EXOC2: variants seen among roughly 807,000 people sequenced by gnomAD.
The protein encoded by EXOC2 is SEC5-like 1.
EXOC2 carries 70 observed loss-of-function variants against 131.8 expected under a neutral mutation model. That is an observed-to-expected ratio of 0.53 (90% CI 0.44 to 0.65). The LOEUF is 0.65. Ranked by LOEUF, EXOC2 falls within the 30% of genes least tolerant of loss-of-function variation. EXOC2 has a pLI of 0.00. For missense variants in EXOC2, 923 were observed against 1,108.6 expected (o/e 0.83, Z 2.38); for synonymous variants, 411 against 398.4 (o/e 1.03, Z -0.38).
At chr6:559,883 G>A (rs146685039) in intron 17 of EXOC2, among the ~76,000 whole-genome samples, 3 of 152,290 alleles carry the variant, frequency 2.0e-5, no homozygotes, top group Non-Finnish European at 4.4e-5. Flanking sequence ...ATAGGACCCT[G>A]ACAGCAGACT....
chr6:598,440 T>G (rs1414482972), intron 9 of EXOC2, among the ~76,000 whole-genome samples: 1 of 152,252 alleles, frequency 6.6e-6, no homozygotes, highest in Non-Finnish European at 1.5e-5. Context: ...TTTCTCCTGG[T>G]GGACTGTAAC....
At chr6:554,012 TTA>T (rs1757286827) in intron 20 of EXOC2, 92 bp from the exon 21 acceptor site, 6 of 983,244 alleles carry the variant, frequency 6.1e-6, no homozygotes, top group Non-Finnish European at 9.6e-6. Context: ...GTGCAATGAA[TTA>T]TATGGAAAAC....
intron 1 of EXOC2, among the ~76,000 whole-genome samples, chr6:675,380 T>C (rs1000211723): frequency 1.3e-5 from 2 of 152,236 alleles, no homozygotes; most frequent in Admixed American, 1.3e-4. Flanking sequence ...TTTTTGCTTT[T>C]CTTTTTCATT....
chr6:515,374 C>CA (rs1765089531), intron 23 of EXOC2, among the ~76,000 whole-genome samples: 1 of 152,248 alleles, frequency 6.6e-6, no homozygotes, highest in Non-Finnish European at 1.5e-5. Context: ...GTCCTGTCCA[C>CA]ACAGTCTTCT....
At chr6:540,180 C>T (rs956901201) in intron 22 of EXOC2, among the ~76,000 whole-genome samples, 1 of 152,164 alleles carries the variant, frequency 6.6e-6, no homozygotes, top group Non-Finnish European at 1.5e-5. Context: ...GTCTTGAACT[C>T]CTCACCTTAG....
intron 1 of EXOC2, among the ~76,000 whole-genome samples, chr6:680,235 T>C (rs1217346738): frequency 6.6e-6 from 1 of 152,206 alleles, no homozygotes; most frequent in Non-Finnish European, 1.5e-5. Context: ...CCTCTACAAA[T>C]GACATTGCAC....
intron 10 of EXOC2, among the ~76,000 whole-genome samples, chr6:597,280 G>C (rs569285642): frequency 6.6e-6 from 1 of 151,826 alleles, no homozygotes; most frequent in Non-Finnish European, 1.5e-5. Flanking sequence ...GGGTTCAAGC[G>C]ATTCTCCTGC....
intron 12 of EXOC2, among the ~76,000 whole-genome samples, 172 bp downstream of exon 12, chr6:576,585 A>T (rs892926711): frequency 2.0e-5 from 3 of 152,238 alleles, no homozygotes; most frequent in Admixed American, 2.0e-4. Context: ...AATGTAATAT[A>T]TATTTTAATT....
At chr6:513,460 C>T (rs978496845) in intron 23 of EXOC2, among the ~76,000 whole-genome samples, 8 of 152,296 alleles carry the variant, frequency 5.3e-5, no homozygotes, top group Non-Finnish European at 1.5e-5. Context: ...TAATACAACC[C>T]GACCGTAGAG....
chr6:646,083 A>T (rs1762567346), intron 1 of EXOC2, among the ~76,000 whole-genome samples: 1 of 152,230 alleles, frequency 6.6e-6, no homozygotes, highest in Non-Finnish European at 1.5e-5. Context: ...TGGGTTATGT[A>T]TCTTTCACAG....
rs747503013 is a variant in EXOC2, at chr6:633,129, C to T, written c.119-12G>A. 1.2e-5 allele frequency: 20 copies of T among 1,610,014 alleles called. No individual in the cohort carries two copies. Among genetic ancestry groups the T allele is most frequent in the East Asian group, 4.5e-5 (2 of 44,884 alleles). On this transcript the variant is annotated splice_polypyrimidine_tract_variant and intron_variant, in intron 2 of 27. Coordinates refer to ENST00000230449, the MANE Select transcript of EXOC2 (RefSeq NM_018303.6). Reference sequence around the variant, plus strand: ...ACAAATGGTCAAGCCTGAAAATAAACGCATGTGCATAACAAAATTCAAAGA... The same window carrying T: ...ACAAATGGTCAAGCCTGAAAATAAATGCATGTGCATAACAAAATTCAAAGA...
Position 576,856 on chromosome 6 carries a change from A to G in EXOC2, c.1219T>C (p.Leu407=), listed in dbSNP as rs1758613001. Residue 407 remains leucine, a synonymous_variant, in exon 12 of 28, where the codon TTG becomes CTG. Coordinates refer to ENST00000230449, the MANE Select transcript of EXOC2 (RefSeq NM_018303.6). ...KGNPGLHSPM[L]DLDNDTRPSV... ...GGACGTGTATCATTATCAAGATCCA[A>G]CATGGGACTGTGCAGGCCTGGGTTA... The G allele has an allele frequency of 3.1e-6, 5 of 1,614,082 alleles. No individual in the cohort carries two copies. Among genetic ancestry groups the G allele is most frequent in the Non-Finnish European group, 3.4e-6 (4 of 1,179,992 alleles).
chr6:626,094 T>C (rs1165019835), intron 4 of EXOC2, among the ~76,000 whole-genome samples: 1 of 152,238 alleles, frequency 6.6e-6, no homozygotes, highest in East Asian at 1.9e-4. Context: ...AAAGACCACA[T>C]ATATTTGTGA....
chr6:618,928 G>C (rs527858957), intron 5 of EXOC2, among the ~76,000 whole-genome samples: 1 of 152,318 alleles, frequency 6.6e-6, no homozygotes, highest in East Asian at 1.9e-4. Flanking sequence ...AGAGTAAAAT[G>C]TAATTAGAAG....
intron 1 of EXOC2, among the ~76,000 whole-genome samples, chr6:668,265 C>T (rs1763704097): frequency 6.6e-6 from 1 of 152,204 alleles, no homozygotes; most frequent in Non-Finnish European, 1.5e-5. Context: ...CTCAGCCATG[C>T]TGTGCCTCCA....
intron 6 of EXOC2, among the ~76,000 whole-genome samples, chr6:611,034 T>C (rs1760687926): frequency 6.6e-6 from 1 of 152,236 alleles, no homozygotes; most frequent in Admixed American, 6.5e-5. Context: ...AAGATGTTTC[T>C]ACATACCAAA....
chr6:685,444 T>C (rs1764601049), intron 1 of EXOC2, among the ~76,000 whole-genome samples: 1 of 152,196 alleles, frequency 6.6e-6, no homozygotes, highest in Middle Eastern at 3.2e-3. Flanking sequence ...CTGGGCTGGG[T>C]TGGGCTGGAC....
chr6:488,446 C>A (rs1322592115), intron 27 of EXOC2, among the ~76,000 whole-genome samples: 4 of 152,160 alleles, frequency 2.6e-5, no homozygotes, highest in Non-Finnish European at 4.4e-5. Flanking sequence ...AGTTTAAATT[C>A]AGGTTGAGAT....
intron 23 of EXOC2, among the ~76,000 whole-genome samples, chr6:501,939 C>A (rs6919639): frequency 7.3e-5 from 11 of 151,654 alleles, no homozygotes; most frequent in African/African-American, 2.7e-4. Flanking sequence ...TAAACGAACT[C>A]GTCTGGAGAC....
Sources: gnomAD v4.1 joint callset for allele counts (sites outside exome capture counted in the v4.1 genomes callset) on GRCh38, gnomAD v4.1.1 for gene constraint, MANE v1.5 for transcripts, NCBI Gene and HGNC (gene_info 2026-07-23, HGNC 2026-07-21) for gene names.